Variants in TASP1 observed in about 807,000 individuals in gnomAD.
TASP1 encodes taspase 1, also known as threonine aspartase 1.
A neutral mutation model predicts 56.6 loss-of-function variants in TASP1; 16 were observed. That is an observed-to-expected ratio of 0.28 (90% CI 0.19 to 0.43). The LOEUF (loss-of-function observed/expected upper bound fraction) is 0.43, where lower values mean the gene tolerates loss of function less well. Among genes scored for constraint, TASP1 ranks in the 20% least tolerant of loss-of-function variants. TASP1 has a pLI of 1.00. For missense variants in TASP1, 393 were observed against 511.6 expected (o/e 0.77, Z 2.24); for synonymous variants, 179 against 184.2 (o/e 0.97, Z 0.23).
chr20:13,215,157 T>C, the TASP1 span, among the ~76,000 whole-genome samples: 6 of 152,236 alleles, frequency 3.9e-5, no homozygotes, highest in Non-Finnish European at 7.3e-5. Context: ...TCTTGGAAGT[T>C]AGGAAACCTG....
chr20:13,636,188 C>T (rs1364138401), intron 1 of TASP1, among the ~76,000 whole-genome samples: 2 of 143,508 alleles, frequency 1.4e-5, no homozygotes, highest in Non-Finnish European at 3.0e-5. Flanking sequence ...CTCTGTCACC[C>T]AGGCTGGAGT....
intron 4 of TASP1, among the ~76,000 whole-genome samples, chr20:13,604,746 T>C (rs1306539938): frequency 6.6e-6 from 1 of 151,984 alleles, no homozygotes; most frequent in Non-Finnish European, 1.5e-5. Context: ...ACCACTAAAA[T>C]GACTAAAATT....
chr20:13,382,709 T>A, the TASP1 span, among the ~76,000 whole-genome samples: 1 of 152,234 alleles, frequency 6.6e-6, no homozygotes, highest in Non-Finnish European at 1.5e-5. Flanking sequence ...CTGTAATTTA[T>A]TTCTGTGTAT....
chr20:13,388,424 TAA>T (rs762790116), downstream of TASP1, among the ~76,000 whole-genome samples: 1 of 152,090 alleles, frequency 6.6e-6, no homozygotes, highest in Non-Finnish European at 1.5e-5. Flanking sequence ...AATTGAAGAG[TAA>T]AGTCTTGACA....
chr20:13,586,413 A>G (rs1395524313), intron 5 of TASP1, among the ~76,000 whole-genome samples: 1 of 152,182 alleles, frequency 6.6e-6, no homozygotes, highest in Non-Finnish European at 1.5e-5. Context: ...ATTAAGCAAA[A>G]GAAAACAGAC....
At chr20:13,262,765 C>T in the TASP1 span, among the ~76,000 whole-genome samples, 48 of 152,260 alleles carry the variant, frequency 3.2e-4, no homozygotes, top group African/African-American at 1.0e-3. Context: ...CAAGAACCTT[C>T]AATGAGGAGA....
chr20:13,534,386 A>G (rs1158391218), intron 8 of TASP1, among the ~76,000 whole-genome samples: 2 of 151,930 alleles, frequency 1.3e-5, no homozygotes, highest in Non-Finnish European at 2.9e-5. Context: ...TCTAATAATA[A>G]GGCTATAGTG....
At chr20:13,425,154 A>G (rs2146117617) in intron 12 of TASP1, among the ~76,000 whole-genome samples, 1 of 152,270 alleles carries the variant, frequency 6.6e-6, no homozygotes, top group African/African-American at 2.4e-5. Context: ...CACCGGTACT[A>G]CTTCAGTTTT....
At position 13,390,245 on chromosome 20, in the gene TASP1, A is replaced by C; in HGVS notation, c.*115T>G. ...GCACTTGTGTCTCGAGCAGTGCACGAGGTTGCAATAGGAATTATAAAACAA... is the reference window on the plus strand; with the variant it reads ...GCACTTGTGTCTCGAGCAGTGCACGCGGTTGCAATAGGAATTATAAAACAA... On this transcript the variant is annotated 3_prime_UTR_variant, in exon 14 of 14. Transcript: ENST00000337743. The C allele has an allele frequency of 1.1e-6, 1 of 917,868 alleles. No individual in the cohort carries two copies. Among genetic ancestry groups the C allele is most frequent in the South Asian group, 1.5e-5 (1 of 65,368 alleles). The allele number at this position is 917,868 out of a possible 1,614,324, so 56.9% of individuals were successfully genotyped here. A position where few individuals can be genotyped will look rare whatever the true frequency, so the allele number is the denominator to read the frequency against.
chr20:13,348,384 T>C, the TASP1 span, among the ~76,000 whole-genome samples: 1 of 152,304 alleles, frequency 6.6e-6, no homozygotes, highest in East Asian at 1.9e-4. Flanking sequence ...AAGAAAATAA[T>C]AAACCTGGTT....
intron 11 of TASP1, among the ~76,000 whole-genome samples, chr20:13,449,313 G>A (rs144424324): frequency 2.6e-5 from 4 of 152,170 alleles, no homozygotes; most frequent in African/African-American, 9.6e-5. Context: ...GGACCTTAAA[G>A]AACATTATAC....
chr20:13,107,812 T>G, the TASP1 span, among the ~76,000 whole-genome samples: 1 of 151,594 alleles, frequency 6.6e-6, no homozygotes, highest in Non-Finnish European at 1.5e-5. Flanking sequence ...TCTGATAACA[T>G]GCCAGATATT....
the TASP1 span, among the ~76,000 whole-genome samples, chr20:13,293,136 G>T: frequency 6.6e-6 from 1 of 150,486 alleles, no homozygotes; most frequent in Non-Finnish European, 1.5e-5. Flanking sequence ...GGAGGCGGAG[G>T]TTGCAGTGAG....
chr20:13,400,216 G>A (rs1196962890), intron 13 of TASP1, among the ~76,000 whole-genome samples: 1 of 152,044 alleles, frequency 6.6e-6, no homozygotes, highest in East Asian at 1.9e-4. Context: ...CAATATAGAA[G>A]GCACTCAATG....
At chr20:13,577,092 T>C (rs1363103706) in intron 6 of TASP1, among the ~76,000 whole-genome samples, 2 of 152,144 alleles carry the variant, frequency 1.3e-5, no homozygotes, top group African/African-American at 4.8e-5. Context: ...ATCAGGGTTA[T>C]TGTTACCTAG....
chr20:13,156,454 T>A, the TASP1 span, among the ~76,000 whole-genome samples: 1 of 152,204 alleles, frequency 6.6e-6, no homozygotes, highest in Admixed American at 6.5e-5. Flanking sequence ...AGGTTTGGAA[T>A]CAAAAAGAAA....
At chr20:13,553,160 T>A (rs2046037437) in intron 8 of TASP1, among the ~76,000 whole-genome samples, 1 of 152,140 alleles carries the variant, frequency 6.6e-6, no homozygotes, top group South Asian at 2.1e-4. Flanking sequence ...TCCAGGCTGG[T>A]CTCGAAACTC....
the TASP1 span, chr20:13,117,560 C>A: frequency 6.2e-7 from 1 of 1,610,610 alleles, no homozygotes; most frequent in Non-Finnish European, 8.5e-7. Flanking sequence ...AGAAGAAATA[C>A]AAGGCTTACC....
chr20:13,435,215 T>G (rs2042960234), intron 11 of TASP1, 61 bp from the exon 12 acceptor site: 8 of 1,271,400 alleles, frequency 6.3e-6, no homozygotes, highest in Non-Finnish European at 7.7e-6. Flanking sequence ...TTTTCAATTT[T>G]CATTTGATTA....
Sources: gnomAD v4.1 joint callset for allele counts (sites outside exome capture counted in the v4.1 genomes callset) on GRCh38, gnomAD v4.1.1 for gene constraint, MANE v1.5 for transcripts, NCBI Gene and HGNC (gene_info 2026-07-23, HGNC 2026-07-21) for gene names.